The following ZBTB20 variants were observed in gnomAD, a reference collection of about 807,000 sequenced individuals.
ZBTB20 encodes the protein zinc finger and BTB domain containing 20.
In ZBTB20, 9 loss-of-function variants were observed where a neutral mutation model predicts 56.9. The observed-to-expected ratio is 0.16, with a 90% confidence interval of 0.10 to 0.28. ZBTB20 has a LOEUF of 0.28. ZBTB20 is among the 10% of genes least tolerant of loss of function. The probability of loss-of-function intolerance (pLI) is 1.00; values close to 1 mark genes in which losing one functional copy is unlikely to be tolerated. For synonymous variants in ZBTB20, 417 were observed against 420.7 expected (o/e 0.99, Z 0.11); for missense variants, 655 against 1,003.0 (o/e 0.65, Z 4.69).
chr3:114,515,132 C>T (rs768314698), intron 6 of ZBTB20, among the ~76,000 whole-genome samples: 9 of 152,154 alleles, frequency 5.9e-5, no homozygotes, highest in Non-Finnish European at 7.4e-5. Flanking sequence ...TGAGACCTGT[C>T]GCATAAGACT....
intron 7 of ZBTB20, among the ~76,000 whole-genome samples, chr3:114,400,248 C>T (rs1470290081): frequency 6.6e-6 from 1 of 152,018 alleles, no homozygotes; most frequent in Admixed American, 6.6e-5. Flanking sequence ...AAGTCATGAG[C>T]AAGGAATCAA....
At chr3:114,652,563 G>A (rs2060190953) in intron 6 of ZBTB20, among the ~76,000 whole-genome samples, 5 of 151,972 alleles carry the variant, frequency 3.3e-5, no homozygotes, top group Non-Finnish European at 7.4e-5. Context: ...CTTAACCTTA[G>A]AAGATACTGA....
chr3:114,646,219 T>C (rs749244179), intron 6 of ZBTB20, among the ~76,000 whole-genome samples: 13 of 151,748 alleles, frequency 8.6e-5, no homozygotes, highest in Non-Finnish European at 1.5e-4. Flanking sequence ...AGGTTACCAT[T>C]GCAAACCCTG....
intron 6 of ZBTB20, chr3:114,624,163 A>G (rs1218585256): frequency 6.6e-6 from 1 of 152,136 alleles, no homozygotes; most frequent in Non-Finnish European, 1.5e-5. Flanking sequence ...GAATCAGCAC[A>G]CAGTCTCTTG....
chr3:114,754,964 T>G (rs1262622011), intron 5 of ZBTB20, among the ~76,000 whole-genome samples: 1 of 152,156 alleles, frequency 6.6e-6, no homozygotes. Context: ...AAGTCACAAT[T>G]TTAAAATAGT....
rs910223212 is a variant in ZBTB20 at position 114,918,241 on chromosome 3, A to G, written c.-455-17899T>C. 2.0e-5 allele frequency among the ~76,000 whole-genome samples: 3 copies of G among 151,866 alleles called. No individual in the cohort carries two copies. The East Asian group carries it at 5.8e-4, about 30-fold the overall frequency. On this transcript the variant is annotated intron_variant, in intron 3 of 11. Transcript: ENST00000675478. ...TGTGGTGAATGCTGCCAGGCCTGGG[A>G]CTCATCCTTCCATGTGGTGAGCTCC...
Position 114,334,314 on chromosome 3 carries a change from C to G in ZBTB20, c.*4691G>C, listed in dbSNP as rs1175592551. 6.6e-6 allele frequency: 1 copy of G among 152,146 alleles called. No homozygotes were observed. The highest frequency in any genetic ancestry group is 1.5e-5 in the Non-Finnish European group (1 of 68,032). The allele number at this position is 152,146 out of a possible 1,614,324, so 9.4% of individuals were successfully genotyped here. On this transcript the variant is annotated 3_prime_UTR_variant, in exon 12 of 12. Transcript: ENST00000675478. ...AGGTGTTGGGAGCATTGTGGAGGAG[C>G]CCCAACAAGGAAGCAACATATGGCT...
At chr3:115,104,856 G>T (rs1476656992) in intron 1 of ZBTB20, among the ~76,000 whole-genome samples, 1 of 152,108 alleles carries the variant, frequency 6.6e-6, no homozygotes, top group African/African-American at 2.4e-5. Flanking sequence ...TAAACTATGG[G>T]CCTGGAGTAA....
At chr3:114,530,037 A>C (rs1425124199) in intron 6 of ZBTB20, among the ~76,000 whole-genome samples, 3 of 152,258 alleles carry the variant, frequency 2.0e-5, no homozygotes, top group Non-Finnish European at 4.4e-5. Context: ...TAACTGAAAA[A>C]TTCCTAATGC....
chr3:114,707,666 AT>A (rs113263549), intron 5 of ZBTB20, among the ~76,000 whole-genome samples: 62 of 151,864 alleles, frequency 4.1e-4, no homozygotes, highest in African/African-American at 9.9e-4. Flanking sequence ...GAACTAGTAG[AT>A]TTTTTTTTCC....
intron 2 of ZBTB20, among the ~76,000 whole-genome samples, chr3:115,030,108 C>T (rs527769606): frequency 2.0e-5 from 3 of 151,144 alleles, no homozygotes; most frequent in Non-Finnish European, 4.5e-5. Context: ...TAAAACAGTA[C>T]ATACATTATT....
chr3:114,981,133 T>C (rs1416168344), intron 2 of ZBTB20, among the ~76,000 whole-genome samples: 1 of 151,914 alleles, frequency 6.6e-6, no homozygotes, highest in East Asian at 1.9e-4. Context: ...ATCACGAAAT[T>C]TTGTATGAAA....
At chr3:114,528,101 TA>T (rs960034219) in intron 6 of ZBTB20, among the ~76,000 whole-genome samples, 1 of 152,142 alleles carries the variant, frequency 6.6e-6, no homozygotes, top group African/African-American at 2.4e-5. Flanking sequence ...TTATGATTTT[TA>T]AAAGTAGAGA....
At chr3:114,407,723 G>A (rs2087471970) in intron 7 of ZBTB20, among the ~76,000 whole-genome samples, 1 of 152,150 alleles carries the variant, frequency 6.6e-6, no homozygotes, top group Non-Finnish European at 1.5e-5. Context: ...GTTCAGAGAA[G>A]TAACATCTGA....
At position 114,333,545 on chromosome 3, in the gene ZBTB20, C is replaced by T. The variant is rs974535336; in HGVS notation, c.*5460G>A. 1 of 152,226 alleles carries T rather than the reference C, an allele frequency of 6.6e-6. No homozygotes were observed. The highest frequency in any genetic ancestry group is 6.5e-5 in the Admixed American group (1 of 15,284). The allele number at this position is 152,226 out of a possible 1,614,324, so 9.4% of individuals were successfully genotyped here. ...AAGCACTCTCTTCATGCACTGCAGG[C>T]TCAGGAGGCATTGGGTTGCTTTGCT... On this transcript the variant is annotated 3_prime_UTR_variant, in exon 12 of 12. Transcript: ENST00000675478.
At chr3:114,772,194 A>C (rs1338752542) in intron 5 of ZBTB20, among the ~76,000 whole-genome samples, 1 of 152,016 alleles carries the variant, frequency 6.6e-6, no homozygotes, top group Non-Finnish European at 1.5e-5. Context: ...ACAAAAAAGT[A>C]ACCGGGCATG....
chr3:115,110,821 T>C (rs977444279), intron 1 of ZBTB20, among the ~76,000 whole-genome samples: 7 of 151,932 alleles, frequency 4.6e-5, no homozygotes, highest in African/African-American at 1.5e-4. Context: ...AAATGCCATC[T>C]CTACTAAAAA....
intron 6 of ZBTB20, among the ~76,000 whole-genome samples, chr3:114,512,797 C>G (rs901086135): frequency 2.6e-5 from 4 of 152,052 alleles, no homozygotes; most frequent in African/African-American, 4.8e-5. Flanking sequence ...GGGAATGGAG[C>G]CTCAGCCCCT....
At chr3:114,656,748 T>C (rs564095479) in intron 6 of ZBTB20, among the ~76,000 whole-genome samples, 2 of 152,226 alleles carry the variant, frequency 1.3e-5, no homozygotes, top group African/African-American at 4.8e-5. Context: ...ACTATATATA[T>C]ACATATATTT....
Sources: gnomAD v4.1 joint callset for allele counts (sites outside exome capture counted in the v4.1 genomes callset) on GRCh38, gnomAD v4.1.1 for gene constraint, MANE v1.5 for transcripts, NCBI Gene and HGNC (gene_info 2026-07-23, HGNC 2026-07-21) for gene names.